The following SLC14A2 variants were observed in gnomAD, a reference collection of about 807,000 sequenced individuals.
The protein encoded by SLC14A2 is urea transporter 2.
In SLC14A2, 91 loss-of-function variants were observed where a neutral mutation model predicts 104.6. That is an observed-to-expected ratio of 0.87 (90% CI 0.73 to 1.04). The LOEUF (loss-of-function observed/expected upper bound fraction) is 1.04. SLC14A2 is among the 50% of genes least tolerant of loss of function. SLC14A2 has a pLI of 0.00. For missense variants in SLC14A2, 1,189 were observed against 1,156.0 expected (o/e 1.03, Z -0.41); for synonymous variants, 476 against 466.4 (o/e 1.02, Z -0.27).
At chr18:45,370,382 G>A (rs1381978962) in intron 1 of SLC14A2, among the ~76,000 whole-genome samples, 2 of 152,178 alleles carry the variant, frequency 1.3e-5, no homozygotes, top group Non-Finnish European at 1.5e-5. Flanking sequence ...CATCTGCTCC[G>A]TGGGAGACCA....
chr18:45,492,714 T>C (rs912719953), intron 2 of SLC14A2, among the ~76,000 whole-genome samples: 1 of 152,198 alleles, frequency 6.6e-6, no homozygotes, highest in Non-Finnish European at 1.5e-5. Flanking sequence ...GGCTAGCTGG[T>C]TCGCAGCTAA....
At chr18:45,324,765 GCACA>G (rs1438914084) in intron 1 of SLC14A2, among the ~76,000 whole-genome samples, 1 of 149,260 alleles carries the variant, frequency 6.7e-6, no homozygotes, top group African/African-American at 2.5e-5. Context: ...CCCCACCCCC[GCACA>G]CACACACACA....
Position 45,526,195 on chromosome 18 carries a change from C to T in SLC14A2, c.-35+42873C>T, listed in dbSNP as rs1352062375. 2.0e-5 allele frequency among the ~76,000 whole-genome samples: 3 copies of T among 152,204 alleles called. No individual in the cohort carries two copies. The East Asian group carries it at 5.8e-4, about 29-fold the overall frequency. On this transcript the variant is annotated intron_variant, in intron 2 of 20. Coordinates refer to the SLC14A2 transcript ENST00000586448. ...GTATCTTAGCTTGCACAACCATTCT[C>T]TTCCCAACAGTGACCCCTCATGGTT...
the SLC14A2 span, among the ~76,000 whole-genome samples, chr18:45,203,150 C>A: frequency 1.3e-5 from 2 of 152,174 alleles, no homozygotes; most frequent in East Asian, 3.9e-4. Flanking sequence ...AAAAGCAAAT[C>A]TCCTGAAATG....
intron 1 of SLC14A2, among the ~76,000 whole-genome samples, chr18:45,410,385 A>C (rs1357152743): frequency 6.6e-6 from 1 of 152,130 alleles, no homozygotes; most frequent in African/African-American, 2.4e-5. Context: ...CTTAATATAA[A>C]TCTATGAGGT....
chr18:45,591,429 G>A (rs368017511), intron 2 of SLC14A2, among the ~76,000 whole-genome samples: 6 of 152,098 alleles, frequency 3.9e-5, no homozygotes, highest in Non-Finnish European at 5.9e-5. Context: ...TCCGCCTCCC[G>A]GGTTCAAGCA....
chr18:45,381,811 A>G (rs867390952), intron 1 of SLC14A2, among the ~76,000 whole-genome samples: 5 of 152,126 alleles, frequency 3.3e-5, no homozygotes, highest in Non-Finnish European at 2.9e-5. Flanking sequence ...CAAATGAGAC[A>G]TGGGGTTTTG....
intron 2 of SLC14A2, among the ~76,000 whole-genome samples, chr18:45,542,036 T>TTTG (rs2043892985): frequency 2.3e-4 from 7 of 30,484 alleles, no homozygotes; most frequent in Middle Eastern, 0.013. Flanking sequence ...AGAGAGAGGG[T>TTTG]TTTTTTTTTT....
chr18:45,232,452 T>C (rs906183303), intron 1 of SLC14A2, among the ~76,000 whole-genome samples: 4 of 152,028 alleles, frequency 2.6e-5, no homozygotes, highest in Admixed American at 6.5e-5. Context: ...GGGATTTCAG[T>C]GGGGACACAG....
Position 45,671,619 on chromosome 18 carries a change from C to A in SLC14A2, c.2230-1281C>A, listed in dbSNP as rs1448545568. ...GTCCCCTTTGCCCTGCATGGTGAGG[C>A]CAGAGCCCTCATTCTGTTCTCTGCC... On this transcript the variant is annotated intron_variant, in intron 16 of 19. Coordinates refer to ENST00000255226, the MANE Select transcript of SLC14A2 (RefSeq NM_007163.4). Among the ~76,000 whole-genome samples the A allele has an allele frequency of 2.0e-5, 3 of 152,098 alleles. No homozygotes were observed. The East Asian group carries it at 5.8e-4, about 29-fold the overall frequency.
chr18:45,570,724 G>A (rs17729888), intron 2 of SLC14A2, among the ~76,000 whole-genome samples: 34,867 of 152,154 alleles, frequency 0.23, 4,791 homozygotes, highest in Non-Finnish European at 0.3. Flanking sequence ...TCCTCCTGGA[G>A]TATCATTTGG....
At chr18:45,305,606 C>G (rs2085011839) in intron 1 of SLC14A2, among the ~76,000 whole-genome samples, 1 of 152,190 alleles carries the variant, frequency 6.6e-6, no homozygotes, top group Non-Finnish European at 1.5e-5. Context: ...CCACTTCCAC[C>G]CATCACGTGA....
intron 10 of SLC14A2, among the ~76,000 whole-genome samples, chr18:45,653,347 A>G (rs2045772622): frequency 6.6e-6 from 1 of 152,110 alleles, no homozygotes; most frequent in Admixed American, 6.5e-5. Context: ...CACCTGGCAC[A>G]GTGGGAAGGG....
the SLC14A2 span, among the ~76,000 whole-genome samples, chr18:45,203,477 G>A: frequency 1.3e-5 from 2 of 152,058 alleles, no homozygotes; most frequent in Admixed American, 1.3e-4. Context: ...AGAAATTATC[G>A]GTTTCTAAGT....
At chr18:45,403,411 T>G (rs972275498) in intron 1 of SLC14A2, among the ~76,000 whole-genome samples, 1 of 152,200 alleles carries the variant, frequency 6.6e-6, no homozygotes, top group African/African-American at 2.4e-5. Flanking sequence ...GAACCTCATT[T>G]AAAATTTTTA....
At chr18:45,367,628 C>A (rs1040186090) in intron 1 of SLC14A2, among the ~76,000 whole-genome samples, 1 of 152,132 alleles carries the variant, frequency 6.6e-6, no homozygotes, top group Non-Finnish European at 1.5e-5. Context: ...TCATACCAAG[C>A]CAGTTGTGAA....
chr18:45,172,163 C>G, the SLC14A2 span, among the ~76,000 whole-genome samples: 13 of 152,160 alleles, frequency 8.5e-5, no homozygotes, highest in Non-Finnish European at 1.9e-4. Context: ...GCACTCCCCA[C>G]AGGGACCCTT....
intron 1 of SLC14A2, among the ~76,000 whole-genome samples, chr18:45,227,253 C>A (rs2084128546): frequency 6.6e-6 from 1 of 152,114 alleles, no homozygotes; most frequent in African/African-American, 2.4e-5. Context: ...TGGCTTTTTG[C>A]AACTACTTCA....
intron 2 of SLC14A2, among the ~76,000 whole-genome samples, chr18:45,514,079 C>T (rs2043403960): frequency 6.6e-6 from 1 of 152,100 alleles, no homozygotes; most frequent in African/African-American, 2.4e-5. Flanking sequence ...TGGAAAAAAA[C>T]ATTTTTTCCA....
Sources: allele counts gnomAD v4.1 joint callset (sites outside exome capture counted in the v4.1 genomes callset), GRCh38; gene constraint gnomAD v4.1.1; transcripts MANE v1.5; gene names NCBI Gene and HGNC (gene_info 2026-07-23, HGNC 2026-07-21).